The following WDPCP variants were observed in gnomAD, a reference collection of about 807,000 sequenced individuals.
The protein encoded by WDPCP is WD repeat containing planar cell polarity effector.
WDPCP carries 71 observed loss-of-function variants against 93.1 expected under a neutral mutation model. The ratio of observed to expected loss-of-function variants is 0.76; its 90% CI spans 0.63 to 0.93. The LOEUF is 0.93. Among genes scored for constraint, WDPCP ranks in the 40% least tolerant of loss-of-function variants. The pLI is 0.00. For synonymous variants in WDPCP, 315 were observed against 315.0 expected, an observed-to-expected ratio of 1.00 and a Z score of 0.00; for missense variants, 844 against 887.4, an observed-to-expected ratio of 0.95 and a Z score of 0.62.
chr2:63,306,818 T>C (rs1468102154), intron 13 of WDPCP, among the ~76,000 whole-genome samples: 1 of 152,154 alleles, frequency 6.6e-6, no homozygotes, highest in Non-Finnish European at 1.5e-5. Context: ...AGCATTCCCT[T>C]TGAAAACCAG....
At chr2:63,385,529 A>C (rs993537373) in intron 10 of WDPCP, among the ~76,000 whole-genome samples, 1 of 152,134 alleles carries the variant, frequency 6.6e-6, no homozygotes, top group East Asian at 1.9e-4. Flanking sequence ...ATCCAAAAAC[A>C]TGCAATACTT....
intron 14 of WDPCP, among the ~76,000 whole-genome samples, chr2:63,247,265 T>C (rs896781819): frequency 1.3e-5 from 2 of 152,198 alleles, no homozygotes; most frequent in Admixed American, 1.3e-4. Flanking sequence ...AAGCTTGCCA[T>C]TGTTTGTTGT....
chr2:63,722,664 G>C (rs1204063129), intron 2 of WDPCP, among the ~76,000 whole-genome samples: 1 of 141,612 alleles, frequency 7.1e-6, no homozygotes, highest in South Asian at 2.3e-4. Flanking sequence ...AGGTGGGGGG[G>C]GGTCAGCCCC....
chr2:63,202,240 G>C (rs1329613600), intron 14 of WDPCP, among the ~76,000 whole-genome samples: 2 of 151,640 alleles, frequency 1.3e-5, no homozygotes, highest in African/African-American at 4.8e-5. Flanking sequence ...TAGTTATTAA[G>C]ATGCCACATA....
intron 9 of WDPCP, among the ~76,000 whole-genome samples, chr2:63,415,237 C>T (rs555480416): frequency 1.3e-5 from 2 of 152,226 alleles, no homozygotes; most frequent in African/African-American, 4.8e-5. Flanking sequence ...GTGGCACGTA[C>T]CTATAATCCT....
intron 6 of WDPCP, among the ~76,000 whole-genome samples, chr2:63,474,928 C>T (rs1031500650): frequency 4.6e-5 from 7 of 152,090 alleles, no homozygotes; most frequent in Non-Finnish European, 2.9e-5. Context: ...GTGGGTAATA[C>T]TGAGTGGCTG....
chr2:63,256,950 T>C (rs1178846719), intron 14 of WDPCP, among the ~76,000 whole-genome samples: 1 of 152,180 alleles, frequency 6.6e-6, no homozygotes, highest in Non-Finnish European at 1.5e-5. Context: ...GGAAGGCTTC[T>C]GGGGTCCTGG....
chr2:63,230,299 T>G (rs1222130350), intron 14 of WDPCP, among the ~76,000 whole-genome samples: 1 of 152,076 alleles, frequency 6.6e-6, no homozygotes, highest in Non-Finnish European at 1.5e-5. Flanking sequence ...TATTCCATGG[T>G]GTATATGTGC....
upstream of WDPCP, among the ~76,000 whole-genome samples, chr2:63,828,049 T>C (rs1206687865): frequency 2.0e-5 from 3 of 152,136 alleles, no homozygotes; most frequent in African/African-American, 4.8e-5. Flanking sequence ...GAAGTAAACA[T>C]TGGGCTAATA....
intron 17 of WDPCP, among the ~76,000 whole-genome samples, chr2:63,152,354 A>C (rs1671944044): frequency 6.6e-6 from 1 of 150,488 alleles, no homozygotes; most frequent in Admixed American, 6.7e-5. Context: ...GGCTCACTGC[A>C]ATTTCTTCCT....
chr2:63,119,764 T>C lies in WDPCP; in HGVS notation c.*2242A>G, dbSNP rs1038399117. Among the ~76,000 whole-genome samples the C allele has an allele frequency of 2.6e-5, 4 of 152,218 alleles. No individual in the cohort carries two copies. The highest frequency in any genetic ancestry group is 9.6e-5 in the African/African-American group (4 of 41,460). The stretch of plus-strand genomic sequence containing the variant: ...CCTGCCTATACCACTCTTCTTACTT[T>C]AGAGCTATGGTAGCCCCTTCATAAT... On this transcript the variant is annotated 3_prime_UTR_variant, in exon 18 of 18. Coordinates refer to ENST00000272321, the MANE Select transcript of WDPCP (RefSeq NM_015910.7).
chr2:63,522,455 GACACACACACAC>G (rs112008719), intron 1 of WDPCP, among the ~76,000 whole-genome samples: 36 of 127,294 alleles, frequency 2.8e-4, no homozygotes, highest in Admixed American at 1.2e-3. Flanking sequence ...CAGACAGACA[GACACACACACAC>G]ACACACACAC....
At chr2:63,734,182 AT>A (rs1460369909) in intron 2 of WDPCP, among the ~76,000 whole-genome samples, 1 of 151,828 alleles carries the variant, frequency 6.6e-6, no homozygotes, top group Non-Finnish European at 1.5e-5. Flanking sequence ...ATTTCCTTTA[AT>A]TTTTTTCTAG....
chr2:63,162,784 T>G (rs1361387686), intron 15 of WDPCP, among the ~76,000 whole-genome samples: 7 of 152,106 alleles, frequency 4.6e-5, no homozygotes, highest in African/African-American at 1.7e-4. Context: ...AAAAGTACTA[T>G]GCAAATAGTA....
chr2:63,541,921 A>T (rs947492498), intron 1 of WDPCP, among the ~76,000 whole-genome samples: 10 of 152,270 alleles, frequency 6.6e-5, no homozygotes, highest in East Asian at 1.9e-4. Context: ...CAAATTTTAT[A>T]AAAAAATCTA....
intron 13 of WDPCP, among the ~76,000 whole-genome samples, chr2:63,286,787 TACC>T (rs1261111582): frequency 2.0e-5 from 3 of 152,252 alleles, no homozygotes; most frequent in Non-Finnish European, 4.4e-5. Flanking sequence ...TGTGGTTTCT[TACC>T]ATACCTTTAA....
chr2:63,278,020 A>G (rs1331528551), intron 13 of WDPCP, among the ~76,000 whole-genome samples: 1 of 152,184 alleles, frequency 6.6e-6, no homozygotes, highest in Non-Finnish European at 1.5e-5. Flanking sequence ...GCCACAAAAC[A>G]AGTCTCACTA....
Position 63,162,170 on chromosome 2 carries a change from A to G in WDPCP, c.2079-8596T>C, listed in dbSNP as rs185417355. Among the ~76,000 whole-genome samples the G allele has an allele frequency of 3.9e-5, 6 of 152,300 alleles. No homozygotes were observed. The East Asian group carries it at 1.2e-3, about 29-fold the overall frequency. ...TGACCAAATTGTCTTACAGTATGAT[A>G]TGGCATATTTAACTTCATATTCGAC... On this transcript the variant is annotated intron_variant, in intron 15 of 17. Coordinates refer to ENST00000272321, the MANE Select transcript of WDPCP (RefSeq NM_015910.7).
intron 4 of WDPCP, among the ~76,000 whole-genome samples, chr2:63,485,900 G>A (rs1004339907): frequency 6.6e-6 from 1 of 151,614 alleles, no homozygotes; most frequent in African/African-American, 2.4e-5. Flanking sequence ...ATGAATTTGG[G>A]TCTATAAACA....
Sources: gnomAD v4.1 joint callset for allele counts (sites outside exome capture counted in the v4.1 genomes callset) on GRCh38, gnomAD v4.1.1 for gene constraint, MANE v1.5 for transcripts, NCBI Gene and HGNC (gene_info 2026-07-23, HGNC 2026-07-21) for gene names.